The following MORC2 variants were observed in gnomAD, a reference collection of about 807,000 sequenced individuals.
MORC2 encodes the protein MORC family CW-type zinc finger 2, also known as ATPase MORC2.
MORC2 carries 30 observed loss-of-function variants against 136.0 expected under a neutral mutation model. The ratio of observed to expected loss-of-function variants is 0.22; its 90% CI spans 0.17 to 0.30. The LOEUF is 0.30. Among genes scored for constraint, MORC2 ranks in the 10% least tolerant of loss-of-function variants. MORC2 has a pLI of 1.00. For missense variants in MORC2, 922 were observed against 1,333.1 expected, an observed-to-expected ratio of 0.69 and a Z score of 4.80; for synonymous variants, 439 against 487.0, an observed-to-expected ratio of 0.90 and a Z score of 1.30.
rs2147242098 is a variant in MORC2, at chr22:30,932,908, T to C, written c.2503A>G (p.Thr835Ala). 1.2e-6 allele frequency: 2 copies of C among 1,614,156 alleles called. No homozygotes were observed. Among genetic ancestry groups the C allele is most frequent in the Non-Finnish European group, 1.7e-6 (2 of 1,180,004 alleles). The change falls in exon 22 of 26, where the codon ACG (threonine) becomes GCG (alanine). Residue 835 changes from threonine to alanine, a missense_variant. Physicochemically the swap from Thr to Ala is moderately conservative, Grantham distance 58. Coordinates refer to ENST00000397641, the MANE Select transcript of MORC2 (RefSeq NM_001303256.3). The surrounding 1 kb of genome is among the most constrained non-coding windows in gnomAD (Gnocchi z 4.4). ...CATTACCAGCGGTCTCTTGGTGTCG[T>C]GTCTGTGGGCACGTAGTCAAACTTC... ...KVKFDYVPTDTTPRDRWVEKG... is the reference protein window; with the variant it reads ...KVKFDYVPTDATPRDRWVEKG...
At position 30,939,550 on chromosome 22, in the gene MORC2, T is replaced by G. The variant is rs540606688; in HGVS notation, c.1073+71A>C. 2.0e-5 allele frequency: 30 copies of G among 1,480,274 alleles called. No individual in the cohort carries two copies. In the East Asian group the frequency reaches 6.8e-4, roughly 34 times the overall value. The allele number at this position is 1,480,274 out of a possible 1,614,324, so 91.7% of individuals were successfully genotyped here. On this transcript the variant is annotated intron_variant, in intron 12 of 25. Transcript: ENST00000397641. ...AAACAAAGCAGTCTTGGTGACAGAA[T>G]AGCAACCTGTCAATAATCAGTCCAA...
chr22:30,934,143 C>G lies in MORC2; in HGVS notation c.2242G>C (p.Val748Leu). 1 of 1,614,204 alleles carries G rather than the reference C, an allele frequency of 6.2e-7. No homozygotes were observed. Among genetic ancestry groups the G allele is most frequent in the Non-Finnish European group, 8.5e-7 (1 of 1,180,042 alleles). Residue 748 changes from valine (V) to leucine (L), a missense_variant, in exon 20 of 26, where the codon GTT (valine) becomes CTT (leucine). Val to Leu is a conservative substitution (Grantham distance 32). Around this residue, in one of 9 missense-constraint regions of MORC2, gnomAD observed 263 missense variants for 388.3 expected, o/e 0.68. Coordinates refer to ENST00000397641, the MANE Select transcript of MORC2 (RefSeq NM_001303256.3). This position sits in a 1 kb window ranked among gnomAD's most constrained non-coding sequence, Gnocchi z 4.4. ...RSVAVSDEEE[V>L]EEEAERRKER... ...TTCCTCCTCTCAGCTTCCTCCTCAA[C>G]TTCTTCCTCATCAGAAACTGCGACA...
At position 30,941,741 on chromosome 22, in the gene MORC2, GGCACC is replaced by G; in HGVS notation, c.698+145_698+149del. On this transcript the variant is annotated intron_variant, in intron 8 of 25. Transcript: ENST00000397641. The surrounding 1 kb of genome is among the most constrained non-coding windows in gnomAD (Gnocchi z 4.6). ...CCGCCCCTCTCACGTCCTCAGCACA[GGCACC>G]CCACAGGCAACTGAGCTGGCCCTAC... is the stretch of plus-strand genomic sequence containing the variant. 9.1e-7 allele frequency: 1 copy of G among 1,103,864 alleles called. No homozygotes were observed. The highest frequency in any genetic ancestry group is 1.3e-6 in the Non-Finnish European group (1 of 767,480). The allele number at this position is 1,103,864 out of a possible 1,614,324, so 68.4% of individuals were successfully genotyped here.
At chr22:30,931,856 G>T (rs2040580578) in intron 24 of MORC2, among the ~76,000 whole-genome samples, 1 of 152,222 alleles carries the variant, frequency 6.6e-6, no homozygotes, top group African/African-American at 2.4e-5. Context: ...TGCTCACTAT[G>T]AGGTCCAGCA....
chr22:30,930,491 G>C (rs1284147242), intron 24 of MORC2, among the ~76,000 whole-genome samples: 1 of 152,210 alleles, frequency 6.6e-6, no homozygotes, highest in East Asian at 1.9e-4. Flanking sequence ...CGTGAGCAGA[G>C]CAAGTCCTAA....
Position 30,963,004 on chromosome 22 carries a change from C to T in MORC2, c.69-4310G>A, listed in dbSNP as rs576312402. Reference sequence around the variant, plus strand: ...CTTTTTTTTTTTTGAGACAGAGTCTCGCTCTGTCACCCAGGCTGGAGTGCA... The same window carrying T: ...CTTTTTTTTTTTTGAGACAGAGTCTTGCTCTGTCACCCAGGCTGGAGTGCA... On this transcript the variant is annotated intron_variant, in intron 1 of 25. Coordinates refer to ENST00000397641, the MANE Select transcript of MORC2 (RefSeq NM_001303256.3). 5.9e-5 allele frequency among the ~76,000 whole-genome samples: 9 copies of T among 151,650 alleles called. No homozygotes were observed. In the East Asian group the frequency reaches 1.2e-3, roughly 20 times the overall value.
chr22:30,954,785 T>C (rs892440687), intron 3 of MORC2, among the ~76,000 whole-genome samples: 5 of 152,214 alleles, frequency 3.3e-5, no homozygotes, highest in Admixed American at 6.5e-5. Flanking sequence ...TTACGATTTG[T>C]ACCTTCAACA....
intron 6 of MORC2, among the ~76,000 whole-genome samples, chr22:30,943,630 C>T (rs1309563551): frequency 1.3e-5 from 2 of 152,218 alleles, no homozygotes; most frequent in African/African-American, 4.8e-5. Context: ...GCAGGCCAGG[C>T]TAAGCACCTC....
chr22:30,933,814 C>G (rs2040612268), intron 20 of MORC2, among the ~76,000 whole-genome samples: 1 of 152,178 alleles, frequency 6.6e-6, no homozygotes, highest in Non-Finnish European at 1.5e-5. Context: ...ACTCAAGACC[C>G]TACCTGGCAC....
At chr22:30,963,436 A>G (rs1602516617) in intron 1 of MORC2, 3 of 468,054 alleles carry the variant, frequency 6.4e-6, no homozygotes, top group Non-Finnish European at 8.3e-6. Flanking sequence ...CCCCGGCTGG[A>G]GTGCAGCGGC....
chr22:30,956,779 T>G lies in MORC2; in HGVS notation c.141A>C (p.Arg47Ser). ...VDNARDADAT[R>S]IDIYAERRED... ...CTGACTTACCTGCATAAATATCTATTCTGGTGGCATCAGCATCTCTGCAAA... is the reference window on the plus strand; with the variant it reads ...CTGACTTACCTGCATAAATATCTATGCTGGTGGCATCAGCATCTCTGCAAA... The change falls in exon 3 of 26, where the codon AGA (arginine) becomes AGC (serine). Residue 47 changes from arginine to serine, a missense_variant. Transcript: ENST00000397641. The G allele has an allele frequency of 2.6e-6, 4 of 1,546,470 alleles. No individual in the cohort carries two copies. Among genetic ancestry groups the G allele is most frequent in the Non-Finnish European group, 3.5e-6 (4 of 1,143,576 alleles).
chr22:30,958,570 G>C, intron 2 of MORC2, 71 bp downstream of exon 2: 2 of 1,275,710 alleles, frequency 1.6e-6, no homozygotes, highest in Non-Finnish European at 2.2e-6. Flanking sequence ...CAAGTCTTCA[G>C]AGAGCAAAGG....
intron 6 of MORC2, among the ~76,000 whole-genome samples, chr22:30,945,473 G>A (rs1448147466): frequency 2.0e-5 from 3 of 152,190 alleles, no homozygotes; most frequent in Admixed American, 6.5e-5. Context: ...GGAAGTTGCG[G>A]ATTTCTTTCC....
At chr22:30,949,873 A>AG in intron 4 of MORC2, 31 bp from the exon 5 acceptor site, 1 of 1,605,608 alleles carries the variant, frequency 6.2e-7, no homozygotes, top group African/African-American at 1.3e-5. Flanking sequence ...GAAAGTGAAA[A>AG]GTTTGCATTT....
intron 1 of MORC2, among the ~76,000 whole-genome samples, chr22:30,960,232 G>A (rs905693941): frequency 1.3e-5 from 2 of 152,152 alleles, no homozygotes; most frequent in African/African-American, 4.8e-5. Flanking sequence ...CTCCCAAAGT[G>A]CTGAGATTAC....
intron 6 of MORC2, among the ~76,000 whole-genome samples, chr22:30,942,865 C>G (rs571109066): frequency 6.6e-6 from 1 of 151,990 alleles, no homozygotes; most frequent in African/African-American, 2.4e-5. Flanking sequence ...ATTAGCCGGG[C>G]GTGGCAGCGT....
rs745425092 is a variant in MORC2 at position 30,933,524 on chromosome 22, C to A, written c.2326-4G>T. 1 of 1,613,440 alleles carries A rather than the reference C, an allele frequency of 6.2e-7. No homozygotes were observed. The highest frequency in any genetic ancestry group is 8.5e-7 in the Non-Finnish European group (1 of 1,179,898). On this transcript the variant is annotated splice_polypyrimidine_tract_variant and splice_region_variant and intron_variant, in intron 20 of 25. Transcript: ENST00000397641. ...CTTCCCCAGCACTGTCTGAGAGCTG[C>A]GTGGAGAGCAGTCTATTAGAGGCAT...
intron 3 of MORC2, among the ~76,000 whole-genome samples, chr22:30,953,455 T>C (rs1403052450): frequency 2.0e-5 from 3 of 152,122 alleles, no homozygotes; most frequent in African/African-American, 7.2e-5. Flanking sequence ...TAACTCCCAC[T>C]GGGAAGAATA....
intron 18 of MORC2, 35 bp from the exon 19 acceptor site, chr22:30,935,196 T>C (rs1298835543): frequency 3.1e-6 from 5 of 1,612,310 alleles, no homozygotes; most frequent in Non-Finnish European, 4.2e-6. Flanking sequence ...AGAACACTGA[T>C]CCTAGCATGA....
Sources: gnomAD v4.1 joint callset for allele counts (sites outside exome capture counted in the v4.1 genomes callset) on GRCh38, gnomAD v4.1.1 for gene constraint, gnomAD v4.1.1 regional missense constraint, Gnocchi (gnomAD v3.1) non-coding constraint, MANE v1.5 for transcripts, NCBI Gene and HGNC (gene_info 2026-07-23, HGNC 2026-07-21) for gene names.